The following IL34 variants were observed in gnomAD, a reference collection of about 807,000 sequenced individuals.
IL34 encodes interleukin 34.
A neutral mutation model predicts 25.3 loss-of-function variants in IL34; 17 were observed. That is an observed-to-expected ratio of 0.67 (90% CI 0.46 to 1.01). The LOEUF is 1.01. Among genes scored for constraint, IL34 ranks in the 50% least tolerant of loss-of-function variants. The pLI, the probability that IL34 is intolerant of heterozygous loss-of-function variation, is 0.00. For missense variants in IL34, 368 were observed against 312.9 expected, an observed-to-expected ratio of 1.18 and a Z score of -1.33; for synonymous variants, 174 against 140.9, an observed-to-expected ratio of 1.23 and a Z score of -1.66.
intron 1 of IL34, among the ~76,000 whole-genome samples, chr16:70,638,267 G>C (rs566300534): frequency 2.0e-5 from 3 of 152,126 alleles, no homozygotes; most frequent in East Asian, 3.9e-4. Flanking sequence ...ACTTGAGCCT[G>C]GGAGTTCAAG....
chr16:70,591,121 C>G (rs552562946), intron 1 of IL34, among the ~76,000 whole-genome samples: 1 of 152,212 alleles, frequency 6.6e-6, no homozygotes, highest in South Asian at 2.1e-4. Flanking sequence ...TGCCATTCAA[C>G]GAGACACTCC....
rs536254383 is a variant in IL34 at position 70,654,599 on chromosome 16, G to A, written c.90G>A (p.Thr30=). 15 of 1,613,648 alleles carry A rather than the reference G, an allele frequency of 9.3e-6. No homozygotes were observed. The highest frequency in any genetic ancestry group is 6.7e-5 in the East Asian group (3 of 44,862). The stretch of plus-strand genomic sequence containing the variant: ...AGCCTTTGGAGATGTGGCCCTTGAC[G>A]CAGAATGAGGAGTGCACTGTCACGG... ...GNEPLEMWPL[T]QNEECTVTGF... The change falls in exon 2 of 6, where the codon ACG becomes ACA. Residue 30 remains threonine (T), a synonymous_variant. Coordinates refer to ENST00000288098, the MANE Select transcript of IL34 (RefSeq NM_001393494.1).
chr16:70,651,237 G>T (rs1258234247), intron 1 of IL34, among the ~76,000 whole-genome samples: 1 of 152,080 alleles, frequency 6.6e-6, no homozygotes, highest in Admixed American at 6.6e-5. Flanking sequence ...TTGTGAGAGG[G>T]TACCTAGCGC....
intron 1 of IL34, among the ~76,000 whole-genome samples, chr16:70,587,431 A>G (rs547462010): frequency 2.0e-5 from 3 of 152,028 alleles, no homozygotes; most frequent in East Asian, 3.9e-4. Context: ...CACCACGCCC[A>G]GCTAATTTTT....
chr16:70,597,276 A>G (rs2050836958), intron 1 of IL34, among the ~76,000 whole-genome samples: 1 of 151,154 alleles, frequency 6.6e-6, no homozygotes, highest in African/African-American at 2.4e-5. Context: ...GCTGTAGTCC[A>G]GTGGCACGAT....
intron 1 of IL34, among the ~76,000 whole-genome samples, chr16:70,599,319 T>TCCTTCTTTCTTTCTTTTCTTTCTTTCTC (rs1555502956): frequency 9.0e-6 from 1 of 111,054 alleles, no homozygotes; most frequent in African/African-American, 3.3e-5. Flanking sequence ...TTTCTTTCTT[T>TCCTTCTTTCTTTCTTTTCTTTCTTTCTC]TCTTTCTTTC....
At chr16:70,593,131 T>A (rs1220754882) in intron 1 of IL34, among the ~76,000 whole-genome samples, 1 of 152,154 alleles carries the variant, frequency 6.6e-6, no homozygotes, top group Non-Finnish European at 1.5e-5. Flanking sequence ...CTGGCCCTAT[T>A]GTCCATTTTT....
At chr16:70,616,369 G>A (rs1413057313) in intron 1 of IL34, among the ~76,000 whole-genome samples, 2 of 152,106 alleles carry the variant, frequency 1.3e-5, no homozygotes, top group African/African-American at 4.8e-5. Context: ...TATATCATTG[G>A]ATTTTTACCA....
chr16:70,631,764 T>C (rs1396010553), intron 1 of IL34, among the ~76,000 whole-genome samples: 1 of 152,202 alleles, frequency 6.6e-6, no homozygotes, highest in African/African-American at 2.4e-5. Context: ...GATAGCCCAG[T>C]GGTTAAGACG....
intron 1 of IL34, among the ~76,000 whole-genome samples, chr16:70,627,725 T>A (rs565489549): frequency 6.6e-6 from 1 of 152,282 alleles, no homozygotes; most frequent in East Asian, 1.9e-4. Context: ...CTACTTCAGA[T>A]CCCAAAGTGG....
At chr16:70,645,760 G>C (rs1283135177), upstream of IL34, among the ~76,000 whole-genome samples, 1 of 152,154 alleles carries the variant, frequency 6.6e-6, no homozygotes, top group Non-Finnish European at 1.5e-5. Flanking sequence ...TGAATGTAAA[G>C]ACCTTAGTCC....
chr16:70,624,145 C>T (rs547313966), intron 1 of IL34, among the ~76,000 whole-genome samples: 38 of 152,084 alleles, frequency 2.5e-4, no homozygotes, highest in Middle Eastern at 3.4e-3. Context: ...TTGAACAGTC[C>T]GATTTTCAGT....
At chr16:70,622,170 A>T (rs2051296058) in intron 1 of IL34, among the ~76,000 whole-genome samples, 1 of 152,112 alleles carries the variant, frequency 6.6e-6, no homozygotes, top group South Asian at 2.1e-4. Context: ...CTGAGGAATT[A>T]TGTCTGACAA....
rs145058751 is a variant in IL34 at position 70,607,092 on chromosome 16, A to ATTTTC, written c.-401+27047_-401+27048insCTTTT. 5.0e-3 allele frequency among the ~76,000 whole-genome samples: 759 copies of ATTTTC among 151,080 alleles called. 3 individuals carry two copies. Among genetic ancestry groups the ATTTTC allele is most frequent in the African/African-American group, 0.018 (719 of 40,990 alleles). On this transcript the variant is annotated intron_variant, in intron 1 of 6. Coordinates refer to the IL34 transcript ENST00000429149. ...TTTACAGTTTTATGGATTCCTTAGG[A>ATTTTC]TTTTGTTTTCTTTTCTTTTCTTTTT...
intron 1 of IL34, among the ~76,000 whole-genome samples, chr16:70,649,592 C>T (rs182378673): frequency 4.6e-5 from 7 of 152,096 alleles, no homozygotes; most frequent in African/African-American, 1.4e-4. Flanking sequence ...AGGTCACACT[C>T]GGGTTCGGGT....
intron 1 of IL34, among the ~76,000 whole-genome samples, chr16:70,618,082 G>A (rs1258672495): frequency 6.6e-6 from 1 of 152,170 alleles, no homozygotes; most frequent in Non-Finnish European, 1.5e-5. Context: ...TAGAATAGCA[G>A]ATGGAACACT....
chr16:70,631,764 T>A (rs1396010553), intron 1 of IL34, among the ~76,000 whole-genome samples: 1 of 152,202 alleles, frequency 6.6e-6, no homozygotes, highest in African/African-American at 2.4e-5. Flanking sequence ...GATAGCCCAG[T>A]GGTTAAGACG....
intron 1 of IL34, among the ~76,000 whole-genome samples, chr16:70,589,215 T>G (rs142137594): frequency 1.7e-3 from 251 of 151,862 alleles, no homozygotes; most frequent in Middle Eastern, 6.8e-3. Context: ...AAAATAATAA[T>G]AAGAAAAGAA....
At chr16:70,642,017 AC>A (rs1186764451), upstream of IL34, among the ~76,000 whole-genome samples, 1 of 152,224 alleles carries the variant, frequency 6.6e-6, no homozygotes, top group Non-Finnish European at 1.5e-5. Context: ...AAGTACGGAT[AC>A]ATGCTGTGTC....
Sources: allele counts gnomAD v4.1 joint callset (sites outside exome capture counted in the v4.1 genomes callset), GRCh38; gene constraint gnomAD v4.1.1; transcripts MANE v1.5; gene names NCBI Gene and HGNC (gene_info 2026-07-23, HGNC 2026-07-21).